The following CACNA2D4 variants were observed in gnomAD, a reference collection of about 807,000 sequenced individuals.
CACNA2D4 encodes the protein calcium voltage-gated channel auxiliary subunit alpha2delta 4, also known as voltage-dependent calcium channel subunit alpha-2/delta-4.
A neutral mutation model predicts 163.8 loss-of-function variants in CACNA2D4; 157 were observed. The observed-to-expected ratio is 0.96, with a 90% confidence interval of 0.84 to 1.09. CACNA2D4 has a LOEUF of 1.09. Among genes scored for constraint, CACNA2D4 ranks in the 50% least tolerant of loss-of-function variants. The pLI, the probability that CACNA2D4 is intolerant of heterozygous loss-of-function variation, is 0.00. For missense variants in CACNA2D4, 1,410 were observed against 1,479.9 expected, an observed-to-expected ratio of 0.95 and a Z score of 0.78; for synonymous variants, 598 against 586.9, an observed-to-expected ratio of 1.02 and a Z score of -0.27.
At chr12:1,879,988 C>T (rs1592730100) in intron 13 of CACNA2D4, 107 bp from the exon 14 acceptor site, 1 of 644,132 alleles carries the variant, frequency 1.6e-6, no homozygotes, top group Admixed American at 2.7e-5. Context: ...CATCAATTAT[C>T]CAGCGTCACC....
chr12:1,795,538 C>T (rs1363698756), intron 36 of CACNA2D4, 130 bp downstream of exon 36: 1 of 918,672 alleles, frequency 1.1e-6, no homozygotes, highest in Non-Finnish European at 1.7e-6. Context: ...GGTTAGAGAA[C>T]AAATAACGGA....
At chr12:1,858,781 C>G (rs2286369) in intron 19 of CACNA2D4, 137 bp from the exon 20 acceptor site, 345,481 of 508,996 alleles carry the variant, frequency 0.68, 122,400 homozygotes, top group Non-Finnish European at 0.74. Context: ...CCTCATGCCC[C>G]CTTCTTTACC....
chr12:1,811,517 G>T, intron 27 of CACNA2D4, 145 bp downstream of exon 27: 2 of 821,198 alleles, frequency 2.4e-6, no homozygotes, highest in Non-Finnish European at 4.0e-6. Flanking sequence ...AGGCTGGGGA[G>T]CTGAGGGGCT....
Position 1,878,086 on chromosome 12 carries a change from G to A in CACNA2D4, c.1719+229C>T, listed in dbSNP as rs1865917701. Among the ~76,000 whole-genome samples, 1 of 152,144 alleles carries A rather than the reference G, an allele frequency of 6.6e-6. No homozygotes were observed. Among genetic ancestry groups the A allele is most frequent in the African/African-American group, 2.4e-5 (1 of 41,418 alleles). On this transcript the variant is annotated intron_variant, in intron 16 of 37. Coordinates refer to ENST00000382722, the MANE Select transcript of CACNA2D4 (RefSeq NM_172364.5). This position sits in a 1 kb window ranked among gnomAD's most constrained non-coding sequence, Gnocchi z 4.6. ...CTCAAAACTGCACACTTCGTTACGT[G>A]CTCTCTGGCCCACTCATCAGTCATT...
intron 6 of CACNA2D4, among the ~76,000 whole-genome samples, chr12:1,891,649 T>C (rs1366177473): frequency 6.6e-6 from 1 of 151,712 alleles, no homozygotes; most frequent in African/African-American, 2.4e-5. Flanking sequence ...CTCAGTGAGA[T>C]ACAAGAGAAT....
chr12:1,814,416 A>G (rs530175938), intron 26 of CACNA2D4, among the ~76,000 whole-genome samples: 3 of 152,264 alleles, frequency 2.0e-5, no homozygotes, highest in African/African-American at 7.2e-5. Flanking sequence ...GCAACCGCCT[A>G]TTGGCATGTC....
rs574195938 is a variant in CACNA2D4, at chr12:1,888,551, C to A, written c.782-1482G>T. Among the ~76,000 whole-genome samples, 178 of 152,124 alleles carry A rather than the reference C, an allele frequency of 1.2e-3. 1 individual carries two copies. The highest frequency in any genetic ancestry group is 4.0e-3 in the African/African-American group (164 of 41,498). The stretch of plus-strand genomic sequence containing the variant: ...AAACTAGGTAGGTATGAGAAGAACA[C>A]ATAATACAAAGAACATACAAGAAAT... On this transcript the variant is annotated intron_variant, in intron 6 of 37. Transcript: ENST00000382722.
intron 6 of CACNA2D4, among the ~76,000 whole-genome samples, chr12:1,897,996 G>A (rs1371151631): frequency 1.3e-5 from 2 of 152,012 alleles, no homozygotes; most frequent in African/African-American, 4.8e-5. Context: ...ATTTCACATA[G>A]TATATGCACC....
At chr12:1,812,321 C>T (rs1398285345) in intron 26 of CACNA2D4, among the ~76,000 whole-genome samples, 1 of 152,194 alleles carries the variant, frequency 6.6e-6, no homozygotes, top group Non-Finnish European at 1.5e-5. Flanking sequence ...ACTACAGGCA[C>T]CACCAGCTGG....
At chr12:1,903,519 T>C (rs1444420729) in intron 6 of CACNA2D4, among the ~76,000 whole-genome samples, 1 of 151,374 alleles carries the variant, frequency 6.6e-6, no homozygotes, top group African/African-American at 2.4e-5. Context: ...AATAACTCGG[T>C]GGGAAAAAAA....
chr12:1,876,198 T>C (rs1865876927), intron 16 of CACNA2D4, among the ~76,000 whole-genome samples: 1 of 152,236 alleles, frequency 6.6e-6, no homozygotes, highest in Admixed American at 6.5e-5. Context: ...AATTTTCTCA[T>C]TTAATGTATT....
intron 26 of CACNA2D4, among the ~76,000 whole-genome samples, chr12:1,826,988 G>C (rs376453129): frequency 1.1e-4 from 17 of 152,350 alleles, no homozygotes; most frequent in African/African-American, 3.8e-4. Context: ...GGCAGGGAGA[G>C]GGAGGCTGCA....
chr12:1,844,252 C>T lies in CACNA2D4; in HGVS notation c.2470+150G>A. ...AATGAGCTTTTTTAAGTCACTAATGCATGCAGGAGGGAAGGCAGGAGGGGA... is the reference window on the plus strand; with the variant it reads ...AATGAGCTTTTTTAAGTCACTAATGTATGCAGGAGGGAAGGCAGGAGGGGA... On this transcript the variant is annotated intron_variant, in intron 25 of 37. Transcript: ENST00000382722. This position sits in a 1 kb window ranked among gnomAD's most constrained non-coding sequence, Gnocchi z 4.2. 1 of 848,002 alleles carries T rather than the reference C, an allele frequency of 1.2e-6. No homozygotes were observed. The highest frequency in any genetic ancestry group is 1.8e-6 in the Non-Finnish European group (1 of 567,600). The allele number at this position is 848,002 out of a possible 1,614,324, so 52.5% of individuals were successfully genotyped here. A position where few individuals can be genotyped will look rare whatever the true frequency, so the allele number is the denominator to read the frequency against.
intron 13 of CACNA2D4, among the ~76,000 whole-genome samples, chr12:1,881,752 G>C (rs953234679): frequency 6.6e-5 from 10 of 152,370 alleles, no homozygotes; most frequent in African/African-American, 2.2e-4. Context: ...TCTCTTCTCA[G>C]CAGCAGTCGG....
Position 1,856,021 on chromosome 12 carries a change from C to T in CACNA2D4, c.2143G>A (p.Asp715Asn). Residue 715 changes from aspartate to asparagine, a missense_variant, in exon 22 of 38, where the codon GAC (aspartate) becomes AAC (asparagine). By Grantham distance (23) the Asp-to-Asn change is conservative. Coordinates refer to ENST00000382722, the MANE Select transcript of CACNA2D4 (RefSeq NM_172364.5). ...MIRFLTRKDP[D>N]LECDEELVRE... Reference sequence around the variant, plus strand: ...GGCGGCCAGCACTCACACTCCAGGTCTGGGTCCTTCCTGGTGAGGAAGCGG... The same window carrying T: ...GGCGGCCAGCACTCACACTCCAGGTTTGGGTCCTTCCTGGTGAGGAAGCGG... 1 of 1,613,604 alleles carries T rather than the reference C, an allele frequency of 6.2e-7. No homozygotes were observed. Among genetic ancestry groups the T allele is most frequent in the Non-Finnish European group, 8.5e-7 (1 of 1,179,516 alleles).
intron 6 of CACNA2D4, among the ~76,000 whole-genome samples, chr12:1,893,769 G>A (rs191091383): frequency 9.2e-5 from 14 of 152,082 alleles, no homozygotes; most frequent in African/African-American, 3.4e-4. Flanking sequence ...GCAGTATAAA[G>A]AGGACAGTTT....
intron 23 of CACNA2D4, among the ~76,000 whole-genome samples, chr12:1,847,813 C>T (rs1274527591): frequency 2.0e-5 from 3 of 152,040 alleles, no homozygotes; most frequent in Non-Finnish European, 4.4e-5. Context: ...GAAGCAAATC[C>T]CAGATATTTC....
At chr12:1,870,794 G>A (rs1723821280) in intron 18 of CACNA2D4, among the ~76,000 whole-genome samples, 2 of 152,110 alleles carry the variant, frequency 1.3e-5, no homozygotes, top group Admixed American at 6.6e-5. Context: ...TTAACAGAAA[G>A]AGAGAGCGCG....
At chr12:1,866,787 ATTTTTT>A (rs34111398) in intron 18 of CACNA2D4, among the ~76,000 whole-genome samples, 14 of 136,530 alleles carry the variant, frequency 1.0e-4, no homozygotes, top group Non-Finnish European at 2.0e-4. Flanking sequence ...CACCTGGCTA[ATTTTTT>A]TTTTTTTTTT....
Sources: gnomAD v4.1 joint callset for allele counts (sites outside exome capture counted in the v4.1 genomes callset) on GRCh38, gnomAD v4.1.1 for gene constraint, Gnocchi (gnomAD v3.1) non-coding constraint, MANE v1.5 for transcripts, NCBI Gene and HGNC (gene_info 2026-07-23, HGNC 2026-07-21) for gene names.